SSR1: variants seen among roughly 807,000 people sequenced by gnomAD.
The protein encoded by SSR1 is translocon-associated protein subunit alpha.
In SSR1, 13 loss-of-function variants were observed where a neutral mutation model predicts 36.1. That is an observed-to-expected ratio of 0.36 (90% CI 0.23 to 0.57). The LOEUF (loss-of-function observed/expected upper bound fraction) is 0.57, where lower values mean the gene tolerates loss of function less well. Ranked by LOEUF, SSR1 falls within the 20% of genes least tolerant of loss-of-function variation. The pLI is 0.81. For synonymous variants in SSR1, 113 were observed against 118.9 expected (o/e 0.95, Z 0.32); for missense variants, 291 against 338.5 (o/e 0.86, Z 1.10).
Position 7,288,380 on chromosome 6 carries a change from T to C in SSR1, c.*1484A>G, listed in dbSNP as rs11719. The C allele has an allele frequency of 0.25, 37,870 of 152,102 alleles. 4,840 individuals carry two copies. Among genetic ancestry groups the C allele is most frequent in the South Asian group, 0.32 (1,539 of 4,816 alleles). The allele number at this position is 152,102 out of a possible 1,614,324, so 9.4% of individuals were successfully genotyped here. A position where few individuals can be genotyped will look rare whatever the true frequency, so the allele number is the denominator to read the frequency against. ...ATCCAGCAATGCCAATATAGGTAAT[T>C]TGATAGCCCCTATTTGCAAAGTGAT... On this transcript the variant is annotated 3_prime_UTR_variant, in exon 8 of 8. Coordinates refer to ENST00000244763, the MANE Select transcript of SSR1 (RefSeq NM_003144.5).
At chr6:7,293,243 T>C (rs573861110) in intron 7 of SSR1, among the ~76,000 whole-genome samples, 5 of 152,190 alleles carry the variant, frequency 3.3e-5, no homozygotes, top group African/African-American at 9.6e-5. Flanking sequence ...GGTGTTTGGC[T>C]ACATGGGTAA....
At chr6:7,297,211 T>C (rs1757818557) in intron 6 of SSR1, 1 of 93,326 alleles carries the variant, frequency 1.1e-5, no homozygotes, top group Non-Finnish European at 1.9e-5. Flanking sequence ...AGAGCCAGAC[T>C]GTCTCAAAAA....
At chr6:7,303,929 T>C (rs1757995653) in intron 2 of SSR1, among the ~76,000 whole-genome samples, 1 of 152,218 alleles carries the variant, frequency 6.6e-6, no homozygotes, top group African/African-American at 2.4e-5. Flanking sequence ...AGAGGTTGTA[T>C]GAGCTGAGAA....
intron 2 of SSR1, among the ~76,000 whole-genome samples, chr6:7,303,913 GGAGGTA>G (rs1364725046): frequency 6.6e-6 from 1 of 152,148 alleles, no homozygotes; most frequent in African/African-American, 2.4e-5. Flanking sequence ...CTTGAATCCG[GGAGGTA>G]GAGGTTGTAT....
At chr6:7,295,539 A>G in intron 6 of SSR1, 54 bp from the exon 7 acceptor site, 1 of 1,308,332 alleles carries the variant, frequency 7.6e-7, no homozygotes. Flanking sequence ...CATTTACTTA[A>G]TATTTTTTAA....
intron 6 of SSR1, among the ~76,000 whole-genome samples, chr6:7,297,483 T>C (rs1757826466): frequency 1.3e-5 from 2 of 152,054 alleles, no homozygotes; most frequent in African/African-American, 4.8e-5. Flanking sequence ...CCCAACACTT[T>C]GGGAGGCCAA....
chr6:7,293,700 C>T (rs558300626), intron 7 of SSR1, among the ~76,000 whole-genome samples: 3 of 152,160 alleles, frequency 2.0e-5, no homozygotes, highest in African/African-American at 7.2e-5. Flanking sequence ...AGGTGTGAAC[C>T]ACCACGCCTG....
rs909649096 is a variant in SSR1, at chr6:7,299,115, T to C, written c.544-292A>G. 2.7e-5 allele frequency among the ~76,000 whole-genome samples: 4 copies of C among 149,714 alleles called. No individual in the cohort carries two copies. The South Asian group carries it at 8.5e-4, about 32-fold the overall frequency. On this transcript the variant is annotated intron_variant, in intron 4 of 7. Transcript: ENST00000244763. ...GAACCCAGGACTTGTGAGTCCAGCC[T>C]AGCAAACATAGCGAGATCCACACCC...
chr6:7,289,665 A>G lies in SSR1; in HGVS notation c.*199T>C, dbSNP rs1256772114. On this transcript the variant is annotated 3_prime_UTR_variant, in exon 8 of 8. Transcript: ENST00000244763. ...ACACATAGATTTTAATGGTTTAAAA[A>G]AAAACCAAATTTGTTACTTTAGAAA... 1 of 572,686 alleles carries G rather than the reference A, an allele frequency of 1.7e-6. No homozygotes were observed. The highest frequency in any genetic ancestry group is 3.4e-5 in the East Asian group (1 of 29,466). 35.5% of individuals were successfully genotyped at this position (572,686 alleles called of 1,614,324 possible).
chr6:7,291,195 A>ACCAGC (rs1757671391), intron 7 of SSR1, among the ~76,000 whole-genome samples: 1 of 152,090 alleles, frequency 6.6e-6, no homozygotes, highest in Non-Finnish European at 1.5e-5. Flanking sequence ...GGAGTTCAAG[A>ACCAGC]CCAGCCCAGC....
At chr6:7,312,196 T>C (rs761130145) in intron 1 of SSR1, among the ~76,000 whole-genome samples, 19 of 152,252 alleles carry the variant, frequency 1.2e-4, no homozygotes, top group Non-Finnish European at 2.5e-4. Flanking sequence ...GGAAGTCAAG[T>C]TGCCATATTT....
At chr6:7,302,165 A>G (rs1238248097) in intron 3 of SSR1, among the ~76,000 whole-genome samples, 3 of 152,262 alleles carry the variant, frequency 2.0e-5, no homozygotes, top group Admixed American at 6.5e-5. Context: ...ACATGAGAAT[A>G]AAACAGAAAA....
chr6:7,305,056 G>A (rs1758025550), intron 2 of SSR1, among the ~76,000 whole-genome samples: 1 of 152,204 alleles, frequency 6.6e-6, no homozygotes, highest in African/African-American at 2.4e-5. Context: ...CCATAAGTAG[G>A]AAAAGAGAAC....
chr6:7,302,442 T>A (rs980218783), intron 3 of SSR1, among the ~76,000 whole-genome samples: 2 of 152,190 alleles, frequency 1.3e-5, no homozygotes, highest in South Asian at 2.1e-4. Flanking sequence ...CCTCAATAAA[T>A]TATCAGCCAT....
intron 1 of SSR1, among the ~76,000 whole-genome samples, chr6:7,311,706 T>A (rs139447898): frequency 0.01 from 1,550 of 152,314 alleles, 26 homozygotes; most frequent in African/African-American, 0.034. Context: ...TGTTAACCAA[T>A]AACAATTTTG....
chr6:7,300,685 C>T (rs1757913321), intron 4 of SSR1, among the ~76,000 whole-genome samples: 2 of 152,128 alleles, frequency 1.3e-5, no homozygotes, highest in Non-Finnish European at 2.9e-5. Context: ...CTCTGTGGCC[C>T]AGGCTGGAGT....
intron 2 of SSR1, among the ~76,000 whole-genome samples, chr6:7,307,097 A>T (rs1166155052): frequency 6.6e-6 from 1 of 152,172 alleles, no homozygotes; most frequent in African/African-American, 2.4e-5. Context: ...GGATCCTTCC[A>T]TATCTCCCAA....
At chr6:7,293,931 C>G (rs948379711) in intron 7 of SSR1, among the ~76,000 whole-genome samples, 1 of 152,170 alleles carries the variant, frequency 6.6e-6, no homozygotes, top group African/African-American at 2.4e-5. Context: ...ATCATACCGA[C>G]AGATTAAATA....
At chr6:7,293,173 CT>C (rs71750113) in intron 7 of SSR1, among the ~76,000 whole-genome samples, 15,698 of 144,814 alleles carry the variant, frequency 0.11, 953 homozygotes, top group African/African-American at 0.17. Flanking sequence ...CTGTGATTTC[CT>C]TTTTTTTTTT....
Sources: gnomAD v4.1 joint callset for allele counts (sites outside exome capture counted in the v4.1 genomes callset) on GRCh38, gnomAD v4.1.1 for gene constraint, MANE v1.5 for transcripts, NCBI Gene and HGNC (gene_info 2026-07-23, HGNC 2026-07-21) for gene names.